Variants in CLCA1 observed in about 807,000 individuals in gnomAD.
CLCA1 encodes chloride channel accessory 1, also known as calcium-activated chloride channel regulator 1.
Under a neutral mutation model 85.6 loss-of-function variants are expected in CLCA1, and 59 were observed. The ratio of observed to expected loss-of-function variants is 0.69; its 90% CI spans 0.56 to 0.86. CLCA1 has a LOEUF of 0.86. Ranked by LOEUF, CLCA1 falls within the 40% of genes least tolerant of loss-of-function variation. The pLI, the probability that CLCA1 is intolerant of heterozygous loss-of-function variation, is 0.00. For synonymous variants in CLCA1, 396 were observed against 398.3 expected (o/e 0.99, Z 0.07); for missense variants, 1,022 against 1,101.4 (o/e 0.93, Z 1.02).
At position 86,495,638 on chromosome 1, in the gene CLCA1, G is replaced by C. The variant is rs751967572; in HGVS notation, c.2076G>C (p.Gln692His). The C allele has an allele frequency of 6.2e-7, 1 of 1,614,164 alleles. No individual in the cohort carries two copies. Among genetic ancestry groups the C allele is most frequent in the South Asian group, 1.1e-5 (1 of 91,080 alleles). The part of the protein sequence containing the change: ...NAARRRVIPQ[Q>H]SGALYIPGWI... Reference sequence around the variant, plus strand: ...CCAGACGGAGAGTGATACCCCAGCAGAGTGGAGCACTGTACATACCTGGCT... The same window carrying C: ...CCAGACGGAGAGTGATACCCCAGCACAGTGGAGCACTGTACATACCTGGCT... Residue 692 changes from glutamine (Q) to histidine (H), a missense_variant, in exon 12 of 14, where the codon CAG (glutamine) becomes CAC (histidine). Physicochemically the swap from Gln to His is conservative, Grantham distance 24. Transcript: ENST00000394711.
rs778844871 is a variant in CLCA1 at position 86,498,631 on chromosome 1, CAAGT to C, written c.2174_2177del (p.Gln725ArgfsTer34). On this transcript the variant is annotated frameshift_variant, in exon 13 of 14. Transcript: ENST00000394711. LOFTEE classifies it high-confidence loss of function. The stretch of plus-strand genomic sequence containing the variant: ...TAATAAGGATGATGTTCAACACAAG[CAAGT>C]GTGTTTCAGCAGAACATCCTCGGGA... The C allele has an allele frequency of 8.7e-6, 14 of 1,613,456 alleles. No homozygotes were observed. Among genetic ancestry groups the C allele is most frequent in the African/African-American group, 4.0e-5 (3 of 74,948 alleles).
In CLCA1 at chr1:86,493,451, C is replaced by T. The variant is rs1187074954; in HGVS notation, c.1532C>T (p.Thr511Ile). 6.2e-7 allele frequency: 1 copy of T among 1,613,914 alleles called. No homozygotes were observed. Among genetic ancestry groups the T allele is most frequent in the Non-Finnish European group, 8.5e-7 (1 of 1,179,958 alleles). Residue 511 changes from threonine (T) to isoleucine (I), a missense_variant, in exon 10 of 14, where the codon ACC becomes ATC. By Grantham distance (89) the Thr-to-Ile change is moderately conservative (BLOSUM62 -1). Transcript: ENST00000394711. ...AATGGCACAGTGATCGTGGACAGCA[C>T]CGTGGGAAAGGACACTTTGTTTCTT... ...WMNGTVIVDS[T>I]VGKDTLFLIT...
chr1:86,485,940 T>C (rs1647953049), intron 6 of CLCA1, among the ~76,000 whole-genome samples: 1 of 151,816 alleles, frequency 6.6e-6, no homozygotes, highest in Non-Finnish European at 1.5e-5. Flanking sequence ...CAACTCACAG[T>C]TCCACACGGC....
In CLCA1 at chr1:86,498,629, A is replaced by G. The variant is rs764305413; in HGVS notation, c.2171A>G (p.Lys724Arg). 1 of 1,613,714 alleles carries G rather than the reference A, an allele frequency of 6.2e-7. No individual in the cohort carries two copies. The highest frequency in any genetic ancestry group is 8.5e-7 in the Non-Finnish European group (1 of 1,179,686). ...ATTAATAAGGATGATGTTCAACACA[A>G]GCAAGTGTGTTTCAGCAGAACATCC... The part of the protein sequence containing the change: ...PEINKDDVQH[K>R]QVCFSRTSSG... The change falls in exon 13 of 14, where the codon AAG becomes AGG. Residue 724 changes from lysine to arginine, a missense_variant. Transcript: ENST00000394711.
At chr1:86,489,560 G>C (rs1648079296) in intron 8 of CLCA1, among the ~76,000 whole-genome samples, 1 of 152,172 alleles carries the variant, frequency 6.6e-6, no homozygotes, top group South Asian at 2.1e-4. Context: ...GCACAAATAA[G>C]GGAGGCTTTA....
chr1:86,500,001 A>T lies in CLCA1; in HGVS notation c.2701A>T (p.Ile901Phe), dbSNP rs770487102. 11 of 1,613,224 alleles carry T rather than the reference A, an allele frequency of 6.8e-6. No homozygotes were observed. The highest frequency in any genetic ancestry group is 9.3e-6 in the Non-Finnish European group (11 of 1,179,224). The change falls in exon 14 of 14, where the codon ATT becomes TTT. Residue 901 changes from isoleucine (I) to phenylalanine (F), a missense_variant. Transcript: ENST00000394711. ...CATTCCTGGCATTCACATTTTAAAA[A>T]TTATGTGGAAGTGGATAGGAGAACT... Reference protein sequence around the residue: ...STIPGIHILKIMWKWIGELQL... With the variant: ...STIPGIHILKFMWKWIGELQL...
At position 86,468,931 on chromosome 1, in the gene CLCA1, C is replaced by A; in HGVS notation, c.-41C>A. ...GGTAAAGAAAGACACCTTCGTAACC[C>A]GCATTTTCCAAAGAGAGAAATCACA... On this transcript the variant is annotated 5_prime_UTR_variant, in exon 1 of 14. Coordinates refer to ENST00000394711, the MANE Select transcript of CLCA1 (RefSeq NM_001285.4). 1 of 1,539,926 alleles carries A rather than the reference C, an allele frequency of 6.5e-7. No individual in the cohort carries two copies. Among genetic ancestry groups the A allele is most frequent in the Non-Finnish European group, 8.8e-7 (1 of 1,133,688 alleles).
intron 8 of CLCA1, among the ~76,000 whole-genome samples, chr1:86,490,316 A>G (rs1413182272): frequency 3.3e-5 from 5 of 152,240 alleles, no homozygotes; most frequent in Non-Finnish European, 7.3e-5. Context: ...TGGGGCATCA[A>G]CAGCCTTACT....
intron 4 of CLCA1, among the ~76,000 whole-genome samples, chr1:86,477,332 T>C (rs567997210): frequency 3.9e-5 from 6 of 152,280 alleles, no homozygotes; most frequent in African/African-American, 1.4e-4. Flanking sequence ...GTGAAACTTA[T>C]CTGAAAAACA....
intron 9 of CLCA1, among the ~76,000 whole-genome samples, chr1:86,492,685 C>T (rs1231451427): frequency 1.3e-5 from 2 of 152,204 alleles, no homozygotes; most frequent in East Asian, 3.9e-4. Flanking sequence ...ACCTCACTCC[C>T]ACTCTGCAGC....
chr1:86,482,320 T>G lies in CLCA1; in HGVS notation c.673T>G (p.Phe225Val). ...AGGACTCTATGAAAAAGGATGTGAG[T>G]TTGTTCTCCAATCCCGCCAGACGGA... is the stretch of plus-strand genomic sequence containing the variant. ...VTGLYEKGCE[F>V]VLQSRQTEKA... Residue 225 changes from phenylalanine (F) to valine (V), a missense_variant, in exon 5 of 14, where the codon TTT becomes GTT. Coordinates refer to ENST00000394711, the MANE Select transcript of CLCA1 (RefSeq NM_001285.4). 1 of 1,614,058 alleles carries G rather than the reference T, an allele frequency of 6.2e-7. No homozygotes were observed. Among genetic ancestry groups the G allele is most frequent in the Non-Finnish European group, 8.5e-7 (1 of 1,179,982 alleles).
intron 11 of CLCA1, 37 bp from the exon 12 acceptor site, chr1:86,495,468 C>T (rs574467167): frequency 1.9e-5 from 29 of 1,537,862 alleles, no homozygotes; most frequent in South Asian, 1.2e-4. Context: ...ATACCCTCCC[C>T]GTTACCTATT....
At chr1:86,479,278 G>A (rs538362494) in intron 4 of CLCA1, among the ~76,000 whole-genome samples, 2 of 152,114 alleles carry the variant, frequency 1.3e-5, no homozygotes, top group Non-Finnish European at 2.9e-5. Flanking sequence ...GCAATGAAAG[G>A]TATGATAAAA....
intron 6 of CLCA1, among the ~76,000 whole-genome samples, chr1:86,485,892 C>T (rs369943580): frequency 6.6e-6 from 1 of 152,084 alleles, no homozygotes; most frequent in African/African-American, 2.4e-5. Flanking sequence ...TAAAGAAATA[C>T]CCAAGACTGA....
intron 1 of CLCA1, among the ~76,000 whole-genome samples, chr1:86,471,490 C>A (rs1278789347): frequency 6.6e-6 from 1 of 152,144 alleles, no homozygotes; most frequent in East Asian, 1.9e-4. Context: ...ACAAAGATCC[C>A]TTATTATTGT....
chr1:86,475,587 G>A (rs978132696), intron 3 of CLCA1, among the ~76,000 whole-genome samples: 9 of 152,124 alleles, frequency 5.9e-5, no homozygotes, highest in African/African-American at 2.2e-4. Context: ...ATGCAAACGC[G>A]GAGTACTGGG....
intron 4 of CLCA1, among the ~76,000 whole-genome samples, chr1:86,481,991 A>G (rs555244059): frequency 3.8e-4 from 58 of 152,364 alleles, no homozygotes; most frequent in Admixed American, 1.1e-3. Flanking sequence ...GTAGAAATAC[A>G]TTCTGATACC....
At chr1:86,473,911 T>G (rs1647569728) in intron 3 of CLCA1, 35 bp downstream of exon 3, 1 of 1,520,430 alleles carries the variant, frequency 6.6e-7, no homozygotes, top group Non-Finnish European at 9.0e-7. Flanking sequence ...TCATACAATT[T>G]AACTATTTTA....
At chr1:86,495,705 T>C in intron 12 of CLCA1, 30 bp downstream of exon 12, 1 of 1,578,534 alleles carries the variant, frequency 6.3e-7, no homozygotes. Flanking sequence ...ATACCTGGCT[T>C]GTGCAAAAGC....
Sources: gnomAD v4.1 joint callset for allele counts (sites outside exome capture counted in the v4.1 genomes callset) on GRCh38, gnomAD v4.1.1 for gene constraint, MANE v1.5 for transcripts, NCBI Gene and HGNC (gene_info 2026-07-23, HGNC 2026-07-21) for gene names.